The following SIMC1 variants were observed in gnomAD, a reference collection of about 807,000 sequenced individuals.
SIMC1 encodes the protein SUMO interacting motifs containing 1.
Under a neutral mutation model 82.3 loss-of-function variants are expected in SIMC1, and 55 were observed. The observed-to-expected ratio is 0.67, with a 90% CI of 0.54 to 0.84. The LOEUF is 0.84. SIMC1 is among the 40% of genes least tolerant of loss of function. The pLI is 0.00. For missense variants in SIMC1, 915 were observed against 1,107.2 expected (o/e 0.83, Z 2.46); for synonymous variants, 353 against 426.3 (o/e 0.83, Z 2.12).
intron 1 of SIMC1, among the ~76,000 whole-genome samples, chr5:176,255,577 CTTTTTTTTTTT>C (rs57239326): frequency 7.4e-6 from 1 of 134,380 alleles, no homozygotes; most frequent in Non-Finnish European, 1.6e-5. Flanking sequence ...GTGAGACTGT[CTTTTTTTTTTT>C]TTTTTTTTTA....
intron 1 of SIMC1, among the ~76,000 whole-genome samples, chr5:176,280,946 T>C (rs920073439): frequency 1.4e-4 from 22 of 152,288 alleles, no homozygotes; most frequent in African/African-American, 5.3e-4. Flanking sequence ...TTTGTGGCGT[T>C]CTCTGTATTT....
intron 9 of SIMC1, 114 bp from the exon 10 acceptor site, chr5:176,345,069 T>TC: frequency 7.3e-7 from 1 of 1,365,834 alleles, no homozygotes; most frequent in Non-Finnish European, 1.0e-6. Flanking sequence ...TCGACTTGTA[T>TC]CCCTGTAGCT....
intron 4 of SIMC1, chr5:176,313,300 G>C (rs991615276): frequency 1.4e-6 from 2 of 1,449,142 alleles, no homozygotes; most frequent in African/African-American, 2.9e-5. Flanking sequence ...GAGGTTGATA[G>C]GTTCAGTGAG....
At chr5:176,327,977 C>T (rs1765466441) in intron 7 of SIMC1, among the ~76,000 whole-genome samples, 1 of 152,134 alleles carries the variant, frequency 6.6e-6, no homozygotes, top group Non-Finnish European at 1.5e-5. Flanking sequence ...TTGATGGATT[C>T]AAGTTGCTAA....
At chr5:176,334,510 A>G (rs1310433830) in intron 7 of SIMC1, among the ~76,000 whole-genome samples, 1 of 152,126 alleles carries the variant, frequency 6.6e-6, no homozygotes, top group Non-Finnish European at 1.5e-5. Flanking sequence ...GATCTCCAGA[A>G]TTCCCAGCCA....
chr5:176,275,192 G>A (rs71205683), intron 1 of SIMC1, among the ~76,000 whole-genome samples: 39 of 151,402 alleles, frequency 2.6e-4, no homozygotes, highest in East Asian at 1.8e-3. Context: ...GGTCCTTCAC[G>A]TCCCTTGTAA....
chr5:176,326,559 C>T (rs1264875459), intron 7 of SIMC1, among the ~76,000 whole-genome samples: 2 of 144,074 alleles, frequency 1.4e-5, no homozygotes, highest in African/African-American at 2.5e-5. Context: ...TAATGTTATC[C>T]CTATTTATTT....
intron 9 of SIMC1, 123 bp downstream of exon 9, chr5:176,337,269 A>G (rs531477128): frequency 3.6e-6 from 3 of 832,488 alleles, no homozygotes; most frequent in South Asian, 3.4e-5. Flanking sequence ...AACTTATTAT[A>G]AGGGATAAGA....
At chr5:176,330,158 T>G (rs888555806) in intron 7 of SIMC1, among the ~76,000 whole-genome samples, 2 of 152,100 alleles carry the variant, frequency 1.3e-5, no homozygotes, top group African/African-American at 4.8e-5. Flanking sequence ...CCCAGCACTT[T>G]GGGAGGCCAA....
At chr5:176,299,229 TA>T (rs1581272339) in intron 4 of SIMC1, among the ~76,000 whole-genome samples, 1 of 152,166 alleles carries the variant, frequency 6.6e-6, no homozygotes, top group Admixed American at 6.5e-5. Flanking sequence ...CTCTTGTCTC[TA>T]AAAAAGTTTT....
intron 9 of SIMC1, among the ~76,000 whole-genome samples, chr5:176,340,739 A>G (rs1766100569): frequency 6.6e-6 from 1 of 152,250 alleles, no homozygotes; most frequent in East Asian, 1.9e-4. Flanking sequence ...ATGAATAATG[A>G]TACAAGTAAC....
chr5:176,311,092 AG>A (rs1325763723), intron 4 of SIMC1, among the ~76,000 whole-genome samples: 3 of 152,176 alleles, frequency 2.0e-5, no homozygotes, highest in Non-Finnish European at 2.9e-5. Flanking sequence ...GGGAACTGTA[AG>A]TGCCCATGAG....
intron 4 of SIMC1, among the ~76,000 whole-genome samples, chr5:176,305,551 T>G (rs867010436): frequency 3.8e-5 from 4 of 104,538 alleles, no homozygotes; most frequent in South Asian, 3.5e-4. Context: ...GCCCCCCGCC[T>G]GGCCAGCCGC....
intron 2 of SIMC1, among the ~76,000 whole-genome samples, chr5:176,294,669 T>G (rs1379007577): frequency 6.6e-6 from 1 of 151,496 alleles, no homozygotes; most frequent in African/African-American, 2.4e-5. Context: ...TTTTGTATAC[T>G]ATAGAAATCC....
At chr5:176,317,880 A>C (rs1764987213) in intron 5 of SIMC1, among the ~76,000 whole-genome samples, 1 of 152,224 alleles carries the variant, frequency 6.6e-6, no homozygotes, top group African/African-American at 2.4e-5. Flanking sequence ...AAAATGTACA[A>C]ACAAAGCAAG....
At chr5:176,275,237 A>G (rs1762634131) in intron 1 of SIMC1, among the ~76,000 whole-genome samples, 1 of 151,774 alleles carries the variant, frequency 6.6e-6, no homozygotes, top group South Asian at 2.1e-4. Flanking sequence ...TCTTTGAAGC[A>G]ATTGTGAATG....
chr5:176,307,428 T>G (rs921473730), intron 4 of SIMC1, among the ~76,000 whole-genome samples: 1 of 152,158 alleles, frequency 6.6e-6, no homozygotes, highest in Non-Finnish European at 1.5e-5. Flanking sequence ...TGAGACAGAG[T>G]CTTGCTCTGT....
At chr5:176,295,591 T>C (rs1473199694) in intron 3 of SIMC1, among the ~76,000 whole-genome samples, 1 of 152,080 alleles carries the variant, frequency 6.6e-6, no homozygotes, top group Non-Finnish European at 1.5e-5. Context: ...CAGTTCTGTT[T>C]TGGGGCCGCA....
intron 1 of SIMC1, among the ~76,000 whole-genome samples, chr5:176,248,999 G>A (rs13186885): frequency 6.7e-6 from 1 of 149,088 alleles, no homozygotes; most frequent in Non-Finnish European, 1.5e-5. Context: ...TGGATTTGGT[G>A]TGCCAGTATT....
Sources: allele counts gnomAD v4.1 joint callset (sites outside exome capture counted in the v4.1 genomes callset), GRCh38; gene constraint gnomAD v4.1.1; transcripts MANE v1.5; gene names NCBI Gene and HGNC (gene_info 2026-07-23, HGNC 2026-07-21).